RELL2: variants seen among roughly 807,000 people sequenced by gnomAD.
RELL2 encodes RELT like 2.
In RELL2, 18 loss-of-function variants were observed where a neutral mutation model predicts 27.5. The observed-to-expected ratio is 0.65, with a 90% CI of 0.45 to 0.97. The LOEUF (loss-of-function observed/expected upper bound fraction) is 0.97. Among genes scored for constraint, RELL2 ranks in the 50% least tolerant of loss-of-function variants. The pLI is 0.00. For synonymous variants in RELL2, 156 were observed against 147.5 expected (o/e 1.06, Z -0.42); for missense variants, 370 against 397.5 (o/e 0.93, Z 0.59).
In RELL2 at chr5:141,638,038, A is replaced by G; in HGVS notation, c.-188A>G. ...GCGTTGCCGCTGACCTCTTGCCGAA[A>G]GGCGAAACAGCACTCCTGGCCCGGA... On this transcript the variant is annotated 5_prime_UTR_variant, in exon 1 of 7. Coordinates refer to ENST00000297164, the MANE Select transcript of RELL2 (RefSeq NM_173828.5). 21 of 560,404 alleles carry G rather than the reference A, an allele frequency of 3.7e-5. 1 individual carries two copies. The South Asian group carries it at 4.4e-4, about 12-fold the overall frequency. 34.7% of individuals were successfully genotyped at this position (560,404 alleles called of 1,614,324 possible). A position where few individuals can be genotyped will look rare whatever the true frequency, so the allele number is the denominator to read the frequency against.
chr5:141,640,267 C>G lies in RELL2; in HGVS notation c.851C>G (p.Pro284Arg). The G allele has an allele frequency of 6.2e-7, 1 of 1,613,940 alleles. No homozygotes were observed. Among genetic ancestry groups the G allele is most frequent in the East Asian group, 2.2e-5 (1 of 44,878 alleles). ...GLPTQEANGQ[P>R]SKPDTSDHQV... ...CCCACTCAAGAGGCAAATGGGCAGC[C>G]AAGCAAACCAGACACTTCTGATCAC... The change falls in exon 5 of 7, where the codon CCA becomes CGA. Residue 284 changes from proline to arginine, a missense_variant. Transcript: ENST00000297164.
chr5:141,640,541 C>A (rs1295387298), intron 6 of RELL2, 96 bp downstream of exon 6: 7 of 1,594,572 alleles, frequency 4.4e-6, no homozygotes, highest in Non-Finnish European at 6.0e-6. Flanking sequence ...CCCGAGTAAA[C>A]TGCAGGCTTA....
intron 1 of RELL2, 99 bp from the exon 2 acceptor site, chr5:141,638,696 A>G: frequency 2.8e-6 from 3 of 1,056,144 alleles, no homozygotes; most frequent in Non-Finnish European, 4.5e-6. Context: ...AAGTAGGTAA[A>G]AGGGTATGTC....
chr5:141,640,744 A>G lies in RELL2; in HGVS notation c.*75A>G. On this transcript the variant is annotated 3_prime_UTR_variant, in exon 7 of 7. Coordinates refer to ENST00000297164, the MANE Select transcript of RELL2 (RefSeq NM_173828.5). ...GGTGGGCGTGAAAGCCCTCCCCTCCACTGGACAGCACTGCCCCCCAGCTGA... is the reference window on the plus strand; with the variant it reads ...GGTGGGCGTGAAAGCCCTCCCCTCCGCTGGACAGCACTGCCCCCCAGCTGA... 7.4e-7 allele frequency: 1 copy of G among 1,346,870 alleles called. No individual in the cohort carries two copies. The highest frequency in any genetic ancestry group is 1.5e-5 in the African/African-American group (1 of 68,940). The allele number at this position is 1,346,870 out of a possible 1,614,324, so 83.4% of individuals were successfully genotyped here.
In RELL2 at chr5:141,639,514, C is replaced by T. The variant is rs2099906581; in HGVS notation, c.368C>T (p.Thr123Ile). 1.2e-6 allele frequency: 2 copies of T among 1,614,064 alleles called. No individual in the cohort carries two copies. Among genetic ancestry groups the T allele is most frequent in the Non-Finnish European group, 1.7e-6 (2 of 1,180,004 alleles). ...LQDGAPSHHH[T>I]VHLGSAAPCL... ...GACGGAGCCCCCTCCCATCATCACA[C>T]AGTGCACCTGGGCTCTGCAGCCCCT... Residue 123 changes from threonine (T) to isoleucine (I), a missense_variant, in exon 4 of 7, where the codon ACA becomes ATA. Thr to Ile is a moderately conservative substitution (Grantham distance 89). Coordinates refer to ENST00000297164, the MANE Select transcript of RELL2 (RefSeq NM_173828.5). This position sits in a 1 kb window ranked among gnomAD's most constrained non-coding sequence, Gnocchi z 4.4.
chr5:141,639,120 G>T lies in RELL2; in HGVS notation c.317+99G>T. Reference sequence around the variant, plus strand: ...CCAGCCTCCTTGCATGTATGGGGTTGGGGGAAGGGCAAAGCTGGCTAACTT... The same window carrying T: ...CCAGCCTCCTTGCATGTATGGGGTTTGGGGAAGGGCAAAGCTGGCTAACTT... On this transcript the variant is annotated intron_variant, in intron 3 of 6. Transcript: ENST00000297164. This position sits in a 1 kb window ranked among gnomAD's most constrained non-coding sequence, Gnocchi z 4.4. 2 of 1,057,896 alleles carry T rather than the reference G, an allele frequency of 1.9e-6. No individual in the cohort carries two copies. Among genetic ancestry groups the T allele is most frequent in the Non-Finnish European group, 2.8e-6 (2 of 726,132 alleles). 65.5% of individuals were successfully genotyped at this position (1,057,896 alleles called of 1,614,324 possible). A position where few individuals can be genotyped will look rare whatever the true frequency, so the allele number is the denominator to read the frequency against.
At position 141,638,622 on chromosome 5, in the gene RELL2, T is replaced by C. The variant is rs572310968; in HGVS notation, c.185-173T>C. Reference sequence around the variant, plus strand: ...AGGAACGGTCCTCTGGATGGTAGTCTTGGGCTTGCATTGGTGTCCCCATCT... The same window carrying C: ...AGGAACGGTCCTCTGGATGGTAGTCCTGGGCTTGCATTGGTGTCCCCATCT... On this transcript the variant is annotated intron_variant, in intron 1 of 6. Transcript: ENST00000297164. Among the ~76,000 whole-genome samples, 36 of 152,304 alleles carry C rather than the reference T, an allele frequency of 2.4e-4. No individual in the cohort carries two copies. In the South Asian group the frequency reaches 7.5e-3, roughly 32 times the overall value.
rs754933675 is a variant in RELL2 at position 141,638,963 on chromosome 5, G to C, written c.259G>C (p.Glu87Gln). 8.1e-6 allele frequency: 13 copies of C among 1,613,998 alleles called. No homozygotes were observed. In the East Asian group the frequency reaches 2.9e-4, roughly 36 times the overall value. Reference protein sequence around the residue: ...RCIIQNEANAEALKEMLGDSE... With the variant: ...RCIIQNEANAQALKEMLGDSE... ...TTTCCTTCTTCCCTCAGCCAATGCT[G>C]AGGCCTTGAAGGAGATGCTGGGGGA... The change falls in exon 3 of 7, where the codon GAG (glutamate) becomes CAG (glutamine). Residue 87 changes from glutamate to glutamine, a missense_variant. Physicochemically the swap from Glu to Gln is conservative, Grantham distance 29 (BLOSUM62 2). Transcript: ENST00000297164.
At position 141,640,891 on chromosome 5, in the gene RELL2, C is replaced by G. The variant is rs977950874; in HGVS notation, c.*222C>G. 1.0e-5 allele frequency: 6 copies of G among 585,922 alleles called. No homozygotes were observed. Among genetic ancestry groups the G allele is most frequent in the Admixed American group, 3.1e-5 (1 of 32,778 alleles). 36.3% of individuals were successfully genotyped at this position (585,922 alleles called of 1,614,324 possible). On this transcript the variant is annotated 3_prime_UTR_variant, in exon 7 of 7. Transcript: ENST00000297164. ...CAACAGGCTGCCTGCCCCGCCTTCC[C>G]CAACACCTCGCTCCATATGATAGAG...
Position 141,637,025 on chromosome 5 carries a change from C to A in RELL2, c.-1201C>A, listed in dbSNP as rs963518482. The A allele has an allele frequency of 2.1e-5, 8 of 375,244 alleles. No individual in the cohort carries two copies. Among genetic ancestry groups the A allele is most frequent in the Non-Finnish European group, 3.3e-5 (7 of 213,350 alleles). The allele number at this position is 375,244 out of a possible 1,614,324, so 23.2% of individuals were successfully genotyped here. A position where few individuals can be genotyped will look rare whatever the true frequency, so the allele number is the denominator to read the frequency against. On this transcript the variant is annotated 5_prime_UTR_variant, in exon 1 of 7. Transcript: ENST00000297164. The stretch of plus-strand genomic sequence containing the variant: ...CGTCCCGGGTTGGGCAGGGAACTGG[C>A]AGCATAGCTCCTAGGATGCGAGGGC...
At position 141,637,172 on chromosome 5, in the gene RELL2, C is replaced by T. The variant is rs1304707496; in HGVS notation, c.-1054C>T. ...GGAAGCTCCGAAGATCCCGCCACTCCGTCCCTCAAAGGTGCGGAAAGCCGG... is the reference window on the plus strand; with the variant it reads ...GGAAGCTCCGAAGATCCCGCCACTCTGTCCCTCAAAGGTGCGGAAAGCCGG... On this transcript the variant is annotated 5_prime_UTR_variant, in exon 1 of 7. Transcript: ENST00000297164. The T allele has an allele frequency of 9.9e-6, 2 of 201,252 alleles. No individual in the cohort carries two copies. The highest frequency in any genetic ancestry group is 2.0e-5 in the Non-Finnish European group (2 of 100,612). 12.5% of individuals were successfully genotyped at this position (201,252 alleles called of 1,614,324 possible). A position where few individuals can be genotyped will look rare whatever the true frequency, so the allele number is the denominator to read the frequency against.
rs752911612 is a variant in RELL2 at position 141,640,170 on chromosome 5, C to T, written c.754C>T (p.Leu252Phe). The change falls in exon 5 of 7, where the codon CTT becomes TTT. Residue 252 changes from leucine to phenylalanine, a missense_variant. Physicochemically the swap from Leu to Phe is conservative, Grantham distance 22. Transcript: ENST00000297164. ...LRDSSLTPRA[L>F]EGNPRASAEP... ...GGACAGCAGCCTAACCCCTCGTGCA[C>T]TTGAAGGGAACCCCAGAGCTTCTGC... 6.2e-7 allele frequency: 1 copy of T among 1,614,162 alleles called. No individual in the cohort carries two copies. Among genetic ancestry groups the T allele is most frequent in the South Asian group, 1.1e-5 (1 of 91,090 alleles).
In RELL2 at chr5:141,639,359, A is replaced by T; in HGVS notation, c.318-105A>T. ...ACAAGAAAAAATGGGGCTTGGGGAAATTGGGGCTTCTGGGGTTTTAAGGAG... is the reference window on the plus strand; with the variant it reads ...ACAAGAAAAAATGGGGCTTGGGGAATTTGGGGCTTCTGGGGTTTTAAGGAG... On this transcript the variant is annotated intron_variant, in intron 3 of 6. Transcript: ENST00000297164. This position sits in a 1 kb window ranked among gnomAD's most constrained non-coding sequence, Gnocchi z 4.4. 1 of 904,740 alleles carries T rather than the reference A, an allele frequency of 1.1e-6. No individual in the cohort carries two copies. The highest frequency in any genetic ancestry group is 1.7e-6 in the Non-Finnish European group (1 of 601,156). 56.0% of individuals were successfully genotyped at this position (904,740 alleles called of 1,614,324 possible). A position where few individuals can be genotyped will look rare whatever the true frequency, so the allele number is the denominator to read the frequency against.
chr5:141,640,248 C>T lies in RELL2; in HGVS notation c.832C>T (p.Gln278Ter), dbSNP rs2099906682. The stretch of plus-strand genomic sequence containing the variant: ...GGGCCCAAGCCCAGGGCTGCCCACT[C>T]AAGAGGCAAATGGGCAGCCAAGCAA... ...GRGPSPGLPT[Q>*]EANGQPSKPD... Residue 278 changes from glutamine (Q) to a stop codon, truncating the protein, a stop_gained, in exon 5 of 7, where the codon CAA becomes TAA. Transcript: ENST00000297164. LOFTEE classifies it high-confidence loss of function. 2.5e-6 allele frequency: 4 copies of T among 1,613,952 alleles called. No individual in the cohort carries two copies. The highest frequency in any genetic ancestry group is 3.3e-5 in the Admixed American group (2 of 59,978).
chr5:141,640,385 A>G, intron 5 of RELL2, 27 bp from the exon 6 acceptor site: 1 of 1,614,092 alleles, frequency 6.2e-7, no homozygotes, highest in South Asian at 1.1e-5. Flanking sequence ...CTGGTCTCTC[A>G]TTGTTGACCC....
rs2099906607 is a variant in RELL2, at chr5:141,639,723, G to A, written c.503+74G>A. On this transcript the variant is annotated intron_variant, in intron 4 of 6. Coordinates refer to ENST00000297164, the MANE Select transcript of RELL2 (RefSeq NM_173828.5). This position sits in a 1 kb window ranked among gnomAD's most constrained non-coding sequence, Gnocchi z 4.4. The stretch of plus-strand genomic sequence containing the variant: ...GATCAGGCACCTGATCCCAAAAGTG[G>A]GCCTTGGCTCTTTCCTCCTGGACTG... 3 of 1,454,832 alleles carry A rather than the reference G, an allele frequency of 2.1e-6. No individual in the cohort carries two copies. The highest frequency in any genetic ancestry group is 2.8e-6 in the Non-Finnish European group (3 of 1,068,698). 90.1% of individuals were successfully genotyped at this position (1,454,832 alleles called of 1,614,324 possible). A position where few individuals can be genotyped will look rare whatever the true frequency, so the allele number is the denominator to read the frequency against.
rs1291626071 is a variant in RELL2 at position 141,638,856 on chromosome 5, T to G, written c.246T>G (p.Asn82Lys). The G allele has an allele frequency of 1.2e-6, 2 of 1,613,968 alleles. No individual in the cohort carries two copies. The highest frequency in any genetic ancestry group is 1.3e-5 in the African/African-American group (1 of 74,924). ...GGATTGTTCGCTGCATCATCCAGAA[T>G]GAAGGTGGGTCTAGCATAGCCCCTT... is the stretch of plus-strand genomic sequence containing the variant. ...VERIVRCIIQ[N>K]EANAEALKEM... is the part of the protein sequence containing the mutation. Residue 82 changes from asparagine to lysine, a missense_variant, in exon 2 of 7, where the codon AAT becomes AAG. Physicochemically the swap from Asn to Lys is moderately conservative, Grantham distance 94. Coordinates refer to ENST00000297164, the MANE Select transcript of RELL2 (RefSeq NM_173828.5).
chr5:141,639,134 G>C lies in RELL2; in HGVS notation c.317+113G>C. ...TGTATGGGGTTGGGGGAAGGGCAAA[G>C]CTGGCTAACTTATAGGAAGAAAGTT... On this transcript the variant is annotated intron_variant, in intron 3 of 6. Coordinates refer to ENST00000297164, the MANE Select transcript of RELL2 (RefSeq NM_173828.5). The surrounding 1 kb of genome is among the most constrained non-coding windows in gnomAD (Gnocchi z 4.4). 2 of 886,100 alleles carry C rather than the reference G, an allele frequency of 2.3e-6. No homozygotes were observed. Among genetic ancestry groups the C allele is most frequent in the South Asian group, 1.7e-5 (1 of 60,176 alleles). The allele number at this position is 886,100 out of a possible 1,614,324, so 54.9% of individuals were successfully genotyped here.
rs2099906394 is a variant in RELL2 at position 141,638,325 on chromosome 5, A to G, written c.100A>G (p.Met34Val). 6.2e-7 allele frequency: 1 copy of G among 1,613,864 alleles called. No individual in the cohort carries two copies. Among genetic ancestry groups the G allele is most frequent in the Admixed American group, 1.7e-5 (1 of 60,004 alleles). ...VFFLMGLVGFMICHVLKKKGY... is the reference protein window; with the variant it reads ...VFFLMGLVGFVICHVLKKKGY... ...CTTCCTCATGGGCCTGGTAGGCTTC[A>G]TGATCTGCCACGTGCTCAAGAAGAA... is the stretch of plus-strand genomic sequence containing the variant. The change falls in exon 1 of 7, where the codon ATG (methionine) becomes GTG (valine). Residue 34 changes from methionine (M) to valine (V), a missense_variant. Transcript: ENST00000297164.
Sources: gnomAD v4.1 joint callset for allele counts (sites outside exome capture counted in the v4.1 genomes callset) on GRCh38, gnomAD v4.1.1 for gene constraint, Gnocchi (gnomAD v3.1) non-coding constraint, MANE v1.5 for transcripts, NCBI Gene and HGNC (gene_info 2026-07-23, HGNC 2026-07-21) for gene names.